Variants in CLPTM1 observed in about 807,000 individuals in gnomAD.
CLPTM1 encodes the protein CLPTM1 regulator of GABA type A receptor forward trafficking.
CLPTM1 carries 21 observed loss-of-function variants against 77.3 expected under a neutral mutation model. That is an observed-to-expected ratio of 0.27 (90% confidence interval 0.19 to 0.39). The LOEUF is 0.39. CLPTM1 is among the 10% of genes least tolerant of loss of function. The pLI is 1.00. For missense variants in CLPTM1, 642 were observed against 921.2 expected (o/e 0.70, Z 3.92); for synonymous variants, 373 against 381.0 (o/e 0.98, Z 0.24).
chr19:44,984,256 A>T (rs1970944099), intron 5 of CLPTM1: 1 of 152,200 alleles, frequency 6.6e-6, no homozygotes, highest in African/African-American at 2.4e-5. Context: ...CAGGCGCCCC[A>T]TGTGTATTCA....
intron 1 of CLPTM1, among the ~76,000 whole-genome samples, chr19:44,958,069 G>A (rs1159087264): frequency 1.3e-5 from 2 of 152,150 alleles, no homozygotes; most frequent in Admixed American, 1.3e-4. Flanking sequence ...GGAAGTGAGG[G>A]GTGGGTAGAA....
chr19:44,974,998 TC>T (rs1970783674), intron 4 of CLPTM1, among the ~76,000 whole-genome samples: 1 of 152,218 alleles, frequency 6.6e-6, no homozygotes, highest in Non-Finnish European at 1.5e-5. Context: ...CATGGAAATT[TC>T]CCGGCAACCC....
intron 5 of CLPTM1, among the ~76,000 whole-genome samples, chr19:44,980,520 A>AT (rs1326079389): frequency 1.4e-4 from 21 of 151,582 alleles, no homozygotes; most frequent in African/African-American, 4.6e-4. Flanking sequence ...AAAAAAAAAA[A>AT]AAAAAAAGAA....
At chr19:44,973,269 TG>T (rs1970751464) in intron 3 of CLPTM1, 59 bp downstream of exon 3, 1 of 1,610,018 alleles carries the variant, frequency 6.2e-7, no homozygotes, top group East Asian at 2.2e-5. Context: ...GGGTGGAATG[TG>T]GAGGAGTGAT....
In CLPTM1 at chr19:44,990,172, G is replaced by T. The variant is rs547131319; in HGVS notation, c.1133-223G>T. The T allele has an allele frequency of 8.9e-6, 5 of 562,594 alleles. No individual in the cohort carries two copies. The highest frequency in any genetic ancestry group is 1.3e-5 in the Non-Finnish European group (4 of 316,214). 34.9% of individuals were successfully genotyped at this position (562,594 alleles called of 1,614,324 possible). On this transcript the variant is annotated intron_variant, in intron 9 of 13. Coordinates refer to ENST00000337392, the MANE Select transcript of CLPTM1 (RefSeq NM_001294.4). The surrounding 1 kb of genome is among the most constrained non-coding windows in gnomAD (Gnocchi z 4.8). ...GCACCTTGGGGTGCTGGGTGCTGAC[G>T]TCCTATGGGAGGGCTCCAGGGGTGC... is the stretch of plus-strand genomic sequence containing the variant.
intron 4 of CLPTM1, among the ~76,000 whole-genome samples, chr19:44,976,923 T>G (rs1187940429): frequency 6.6e-6 from 1 of 152,200 alleles, no homozygotes; most frequent in Non-Finnish European, 1.5e-5. Flanking sequence ...AGCTGTTGTC[T>G]GAAGTGCCCA....
intron 2 of CLPTM1, among the ~76,000 whole-genome samples, chr19:44,967,686 C>G (rs1399270374): frequency 2.0e-5 from 3 of 151,864 alleles, no homozygotes; most frequent in Non-Finnish European, 2.9e-5. Context: ...CTCATGATCC[C>G]TGATGTAGTC....
At chr19:44,981,804 G>A (rs1970901564) in intron 5 of CLPTM1, among the ~76,000 whole-genome samples, 1 of 151,428 alleles carries the variant, frequency 6.6e-6, no homozygotes, top group Non-Finnish European at 1.5e-5. Flanking sequence ...CCAGCTACTC[G>A]GGAGCCTGAG....
chr19:44,980,412 G>A (rs750488110), intron 5 of CLPTM1, among the ~76,000 whole-genome samples: 13 of 151,516 alleles, frequency 8.6e-5, no homozygotes, highest in Non-Finnish European at 1.6e-4. Flanking sequence ...GGGAAGCTGA[G>A]GTGGGAGAAT....
chr19:44,958,085 G>C (rs1882752), intron 1 of CLPTM1, among the ~76,000 whole-genome samples: 44,617 of 151,966 alleles, frequency 0.29, 6,828 homozygotes, highest in East Asian at 0.47. Context: ...TAGAAGAGTT[G>C]CAATTAAATA....
intron 8 of CLPTM1, 134 bp from the exon 9 acceptor site, chr19:44,987,946 C>T: frequency 1.4e-6 from 1 of 721,076 alleles, no homozygotes; most frequent in Non-Finnish European, 2.5e-6. Flanking sequence ...CTGCCCATCT[C>T]TGACCCAGTC....
intron 1 of CLPTM1, among the ~76,000 whole-genome samples, chr19:44,958,482 C>T (rs992941980): frequency 6.6e-6 from 1 of 151,884 alleles, no homozygotes; most frequent in South Asian, 2.1e-4. Flanking sequence ...GGCAATTCTT[C>T]TACCTCAGCC....
chr19:44,986,124 G>A (rs899235543), intron 6 of CLPTM1, among the ~76,000 whole-genome samples: 2 of 152,182 alleles, frequency 1.3e-5, no homozygotes, highest in Non-Finnish European at 2.9e-5. Flanking sequence ...GAAGCAGAAG[G>A]ATCACTTGAG....
Position 44,985,089 on chromosome 19 carries a change from CT to C in CLPTM1, c.587-128del, listed in dbSNP as rs1353832903. The C allele has an allele frequency of 8.0e-6, 5 of 621,748 alleles. No individual in the cohort carries two copies. The Admixed American group carries it at 8.3e-5, about 10-fold the overall frequency. The allele number at this position is 621,748 out of a possible 1,614,324, so 38.5% of individuals were successfully genotyped here. On this transcript the variant is annotated intron_variant, in intron 5 of 13. Coordinates refer to ENST00000337392, the MANE Select transcript of CLPTM1 (RefSeq NM_001294.4). ...TTCTGGCATTCCAGGTCACATTGAT[CT>C]CAGCAGGTGAGTGCAAGGTGGATGC...
rs925803308 is a variant in CLPTM1, at chr19:44,965,496, C to CA, written c.185+3431dup. Among the ~76,000 whole-genome samples, 1,340 of 138,016 alleles carry CA rather than the reference C, an allele frequency of 9.7e-3. 20 individuals carry two copies. The highest frequency in any genetic ancestry group is 0.033 in the African/African-American group (1,239 of 37,140). The allele number at this position is 138,016 out of a possible 152,430, so 90.5% of individuals were successfully genotyped here. On this transcript the variant is annotated intron_variant, in intron 2 of 13. Transcript: ENST00000337392. ...CTGGCGACAGAGCAAGACTGAGTCT[C>CA]AAAAAAAAAAGAGAAAATAAAAATA...
chr19:44,980,470 C>T (rs763319523), intron 5 of CLPTM1, among the ~76,000 whole-genome samples: 2 of 142,544 alleles, frequency 1.4e-5, no homozygotes, highest in Admixed American at 7.4e-5. Flanking sequence ...GATCGTGCCA[C>T]TGTACTCTAG....
At chr19:44,977,310 C>T (rs1970819908) in intron 4 of CLPTM1, 33 bp from the exon 5 acceptor site, 1 of 1,552,324 alleles carries the variant, frequency 6.4e-7, no homozygotes, top group Non-Finnish European at 8.8e-7. Flanking sequence ...CCCAGTTGCC[C>T]AGCCTGCCCA....
At chr19:44,956,921 A>C (rs923982971) in intron 1 of CLPTM1, among the ~76,000 whole-genome samples, 2 of 152,214 alleles carry the variant, frequency 1.3e-5, no homozygotes, top group Non-Finnish European at 2.9e-5. Context: ...CGAGCTCGGC[A>C]CTATCAACAT....
intron 2 of CLPTM1, among the ~76,000 whole-genome samples, chr19:44,969,486 T>C (rs1268680155): frequency 6.6e-6 from 1 of 152,168 alleles, no homozygotes; most frequent in East Asian, 1.9e-4. Context: ...CTCTCTGATA[T>C]ACCAGTCTGG....
Sources: allele counts gnomAD v4.1 joint callset (sites outside exome capture counted in the v4.1 genomes callset), GRCh38; gene constraint gnomAD v4.1.1; non-coding constraint Gnocchi (gnomAD v3.1); transcripts MANE v1.5; gene names NCBI Gene and HGNC (gene_info 2026-07-23, HGNC 2026-07-21).